PDE4D: variants seen among roughly 807,000 people sequenced by gnomAD.
PDE4D encodes 3',5'-cyclic-AMP phosphodiesterase 4D.
In PDE4D, 24 loss-of-function variants were observed where a neutral mutation model predicts 87.4. The ratio of observed to expected loss-of-function variants is 0.27; its 90% CI spans 0.20 to 0.39. PDE4D has a LOEUF of 0.39. Ranked by LOEUF, PDE4D falls within the 10% of genes least tolerant of loss-of-function variation. The pLI is 1.00. For missense variants in PDE4D, 714 were observed against 1,041.0 expected (o/e 0.69, Z 4.32); for synonymous variants, 384 against 383.2 (o/e 1.00, Z -0.02).
At chr5:59,642,557 G>A (rs1187136159) in intron 1 of PDE4D, among the ~76,000 whole-genome samples, 2 of 152,104 alleles carry the variant, frequency 1.3e-5, no homozygotes, top group East Asian at 1.9e-4. Context: ...TTTATCAGGG[G>A]TTTCCACTTT....
intron 1 of PDE4D, among the ~76,000 whole-genome samples, chr5:60,453,490 C>G (rs566367415): frequency 1.3e-5 from 2 of 152,108 alleles, no homozygotes; most frequent in South Asian, 4.2e-4. Flanking sequence ...TGATAAAAAT[C>G]AAATCTTTGG....
intron 1 of PDE4D, among the ~76,000 whole-genome samples, chr5:60,315,398 A>T (rs962623637): frequency 6.6e-6 from 1 of 152,154 alleles, no homozygotes; most frequent in Non-Finnish European, 1.5e-5. Context: ...CCTTTGTCAG[A>T]TGAGTAGATG....
chr5:59,114,789 T>C (rs1450932405), intron 5 of PDE4D, among the ~76,000 whole-genome samples: 1 of 150,936 alleles, frequency 6.6e-6, no homozygotes, highest in East Asian at 2.0e-4. Flanking sequence ...AATATCTACT[T>C]GGTTTGGCAA....
At chr5:59,228,353 C>A (rs553138511) in intron 1 of PDE4D, among the ~76,000 whole-genome samples, 97 of 151,726 alleles carry the variant, frequency 6.4e-4, no homozygotes, top group African/African-American at 2.1e-3. Context: ...TATACCAAAC[C>A]CCCGGGGTCA....
intron 1 of PDE4D, among the ~76,000 whole-genome samples, chr5:60,319,342 C>T (rs1046912818): frequency 6.6e-6 from 1 of 152,200 alleles, no homozygotes; most frequent in African/African-American, 2.4e-5. Context: ...CCATCAGGTC[C>T]TTTAAGGACT....
chr5:60,468,251 A>G (rs900507129), intron 1 of PDE4D, among the ~76,000 whole-genome samples: 3 of 150,464 alleles, frequency 2.0e-5, no homozygotes, highest in African/African-American at 7.4e-5. Context: ...AAATTCTCCC[A>G]CCTCAGCCTC....
At chr5:59,162,124 C>T (rs1480928798) in intron 5 of PDE4D, among the ~76,000 whole-genome samples, 2 of 152,144 alleles carry the variant, frequency 1.3e-5, no homozygotes, top group Non-Finnish European at 2.9e-5. Context: ...CAAAACAATT[C>T]AGTTTATTAA....
Position 60,155,663 on chromosome 5 carries a change from T to C in PDE4D, c.42+29894A>G, listed in dbSNP as rs529196916. Among the ~76,000 whole-genome samples, 10 of 152,310 alleles carry C rather than the reference T, an allele frequency of 6.6e-5. No homozygotes were observed. In the East Asian group the frequency reaches 1.4e-3, roughly 21 times the overall value. On this transcript the variant is annotated intron_variant, in intron 2 of 16. Coordinates refer to the PDE4D transcript ENST00000502484. ...CTTTGTGGAAATGACTTATAAACCTTGACTTAATAAATAAATAAATTATAC... is the reference window on the plus strand; with the variant it reads ...CTTTGTGGAAATGACTTATAAACCTCGACTTAATAAATAAATAAATTATAC...
intron 2 of PDE4D, among the ~76,000 whole-genome samples, chr5:60,040,167 C>A (rs935223322): frequency 7.2e-5 from 11 of 152,082 alleles, no homozygotes; most frequent in Admixed American, 2.0e-4. Context: ...ATTTGATTAG[C>A]GTCTAAGCAA....
intron 1 of PDE4D, among the ~76,000 whole-genome samples, chr5:59,797,430 TAG>T (rs1469526419): frequency 6.6e-6 from 1 of 152,236 alleles, no homozygotes; most frequent in East Asian, 1.9e-4. Flanking sequence ...AAATTTTCTG[TAG>T]AGTTATTTTG....
At chr5:60,251,474 T>G (rs1234152566) in intron 1 of PDE4D, among the ~76,000 whole-genome samples, 1 of 151,940 alleles carries the variant, frequency 6.6e-6, no homozygotes, top group Non-Finnish European at 1.5e-5. Flanking sequence ...GTTTTCCGTT[T>G]CTGCATTAGT....
chr5:59,821,956 T>G (rs1211575092), intron 1 of PDE4D, among the ~76,000 whole-genome samples: 1 of 152,204 alleles, frequency 6.6e-6, no homozygotes. Flanking sequence ...TTAATATTGT[T>G]ACTGCTGAAT....
chr5:59,539,282 T>C (rs1409960015), intron 1 of PDE4D, among the ~76,000 whole-genome samples: 1 of 152,144 alleles, frequency 6.6e-6, no homozygotes, highest in Non-Finnish European at 1.5e-5. Context: ...GATTTTTGTC[T>C]ATGCCCTTAG....
intron 5 of PDE4D, among the ~76,000 whole-genome samples, chr5:59,138,314 A>C (rs1777421940): frequency 1.3e-5 from 2 of 151,940 alleles, no homozygotes; most frequent in African/African-American, 2.4e-5. Context: ...TTTAGACGGA[A>C]TCTCGCTGTG....
At chr5:59,110,488 C>T (rs529133253) in intron 5 of PDE4D, among the ~76,000 whole-genome samples, 6 of 152,338 alleles carry the variant, frequency 3.9e-5, no homozygotes, top group African/African-American at 1.4e-4. Flanking sequence ...ATGAACACTG[C>T]CTAGGCATTG....
At chr5:60,300,151 A>T (rs1180156417) in intron 1 of PDE4D, among the ~76,000 whole-genome samples, 1 of 152,088 alleles carries the variant, frequency 6.6e-6, no homozygotes, top group African/African-American at 2.4e-5. Flanking sequence ...TAATGACGTG[A>T]TGCTGAGCTT....
intron 1 of PDE4D, among the ~76,000 whole-genome samples, chr5:60,495,730 A>T (rs935969280): frequency 6.6e-6 from 1 of 152,212 alleles, no homozygotes; most frequent in African/African-American, 2.4e-5. Context: ...AAGAAGAGGG[A>T]TACAGTACGT....
chr5:60,443,020 A>G (rs976049547), intron 1 of PDE4D, among the ~76,000 whole-genome samples: 1 of 152,134 alleles, frequency 6.6e-6, no homozygotes, highest in African/African-American at 2.4e-5. Context: ...GACATCAGAA[A>G]GAGGACCACG....
intron 1 of PDE4D, among the ~76,000 whole-genome samples, chr5:59,377,825 G>A (rs780506372): frequency 6.6e-6 from 1 of 152,080 alleles, no homozygotes; most frequent in Non-Finnish European, 1.5e-5. Flanking sequence ...CTTATACACT[G>A]TTGGTGGGAG....
Sources: allele counts gnomAD v4.1 joint callset (sites outside exome capture counted in the v4.1 genomes callset), GRCh38; gene constraint gnomAD v4.1.1; transcripts MANE v1.5; gene names NCBI Gene and HGNC (gene_info 2026-07-23, HGNC 2026-07-21).